GPHN: variants seen among roughly 807,000 people sequenced by gnomAD.
The protein encoded by GPHN is gephyrin.
A neutral mutation model predicts 95.5 loss-of-function variants in GPHN; 17 were observed. That is an observed-to-expected ratio of 0.18 (90% CI 0.12 to 0.27). The LOEUF is 0.27. Among genes scored for constraint, GPHN ranks in the 10% least tolerant of loss-of-function variants. The pLI, the probability that GPHN is intolerant of heterozygous loss-of-function variation, is 1.00. For missense variants in GPHN, 660 were observed against 978.1 expected (o/e 0.67, Z 4.34); for synonymous variants, 320 against 322.5 (o/e 0.99, Z 0.08).
chr14:67,393,049 G>A, the GPHN span: 8 of 991,188 alleles, frequency 8.1e-6, no homozygotes, highest in African/African-American at 1.3e-4. Flanking sequence ...TGCCCAGCAG[G>A]CAGCTCTGAC....
chr14:66,970,855 A>G lies in GPHN; in HGVS notation c.963+5530A>G, dbSNP rs1216099392. The stretch of plus-strand genomic sequence containing the variant: ...AAAAATACATTCTCTGAACAAAAAT[A>G]TGTTTTCTTTTGTGAACATTTACCT... On this transcript the variant is annotated intron_variant, in intron 9 of 22. Coordinates refer to ENST00000478722, the MANE Select transcript of GPHN (RefSeq NM_020806.5). 2.0e-5 allele frequency among the ~76,000 whole-genome samples: 3 copies of G among 152,348 alleles called. No homozygotes were observed. The South Asian group carries it at 6.2e-4, about 32-fold the overall frequency.
chr14:67,201,620 G>A, the GPHN span: 70 of 444,370 alleles, frequency 1.6e-4, no homozygotes, highest in South Asian at 1.1e-3. Context: ...AAGGGGTGTG[G>A]AGTGGAACCA....
At chr14:67,278,956 T>C in the GPHN span, 1 of 425,412 alleles carries the variant, frequency 2.4e-6, no homozygotes, top group East Asian at 3.9e-5. Flanking sequence ...AAGTGGGCTC[T>C]GTAAAAACCT....
intron 17 of GPHN, among the ~76,000 whole-genome samples, chr14:67,141,293 G>C (rs2080442821): frequency 6.6e-6 from 1 of 152,068 alleles, no homozygotes; most frequent in African/African-American, 2.4e-5. Context: ...TTGCCATTTG[G>C]ACCTTTCATA....
At chr14:66,533,504 G>A (rs2059022402) in intron 1 of GPHN, among the ~76,000 whole-genome samples, 1 of 152,254 alleles carries the variant, frequency 6.6e-6, no homozygotes, top group Non-Finnish European at 1.5e-5. Flanking sequence ...AACATGCCGT[G>A]GGTGCACAGA....
chr14:66,727,350 G>C (rs2071341953), intron 2 of GPHN, among the ~76,000 whole-genome samples: 2 of 152,186 alleles, frequency 1.3e-5, no homozygotes, highest in Non-Finnish European at 1.5e-5. Context: ...CAGTAGTGTG[G>C]GGTGCTGCTG....
intron 9 of GPHN, among the ~76,000 whole-genome samples, chr14:66,971,253 G>T (rs940734149): frequency 5.9e-5 from 9 of 152,134 alleles, no homozygotes; most frequent in African/African-American, 2.2e-4. Flanking sequence ...GCTTGAACAC[G>T]GGAGGCGGAG....
intron 10 of GPHN, among the ~76,000 whole-genome samples, chr14:67,056,277 T>C (rs1177267581): frequency 6.7e-6 from 1 of 150,106 alleles, no homozygotes; most frequent in Non-Finnish European, 1.5e-5. Flanking sequence ...ATTGGTGCAT[T>C]TACAATCCTT....
intron 2 of GPHN, among the ~76,000 whole-genome samples, chr14:66,719,936 C>G (rs375280677): frequency 6.6e-6 from 1 of 152,052 alleles, no homozygotes; most frequent in South Asian, 2.1e-4. Flanking sequence ...TTGCCATTTT[C>G]TAAAGAGTTA....
the GPHN span, among the ~76,000 whole-genome samples, chr14:67,233,201 G>T: frequency 6.6e-6 from 1 of 151,236 alleles, no homozygotes; most frequent in East Asian, 1.9e-4. Flanking sequence ...GAGTGCAGTG[G>T]TGCAATCTCA....
At chr14:66,810,492 G>A (rs930433432) in intron 3 of GPHN, among the ~76,000 whole-genome samples, 1 of 151,874 alleles carries the variant, frequency 6.6e-6, no homozygotes, top group Admixed American at 6.6e-5. Flanking sequence ...TTGACATTAT[G>A]TGTGAAACTT....
At chr14:66,720,978 T>C (rs2070689401) in intron 2 of GPHN, among the ~76,000 whole-genome samples, 1 of 152,210 alleles carries the variant, frequency 6.6e-6, no homozygotes, top group South Asian at 2.1e-4. Context: ...CAGCAAAATT[T>C]TGAAGAAAAG....
At chr14:67,596,213 C>T in the GPHN span, among the ~76,000 whole-genome samples, 1 of 151,556 alleles carries the variant, frequency 6.6e-6, no homozygotes, top group African/African-American at 2.4e-5. Flanking sequence ...ACTGCAACCT[C>T]CACCTCCCGG....
At chr14:66,619,111 A>T (rs2063175637) in intron 1 of GPHN, among the ~76,000 whole-genome samples, 1 of 152,154 alleles carries the variant, frequency 6.6e-6, no homozygotes, top group Non-Finnish European at 1.5e-5. Context: ...GTTCATTCAT[A>T]TTCCATTATA....
At chr14:67,631,161 C>T in the GPHN span, among the ~76,000 whole-genome samples, 2 of 152,300 alleles carry the variant, frequency 1.3e-5, no homozygotes, top group South Asian at 4.1e-4. Context: ...AGCCCTCTAG[C>T]TGTTGTCCAG....
the GPHN span, chr14:67,648,127 T>C: frequency 1.9e-6 from 3 of 1,614,068 alleles, no homozygotes; most frequent in Middle Eastern, 1.6e-4. Flanking sequence ...ACTCCTGTTG[T>C]CGGGGGACTA....
At chr14:66,842,843 G>A in intron 4 of GPHN, 1 of 690,990 alleles carries the variant, frequency 1.4e-6, no homozygotes, top group South Asian at 1.8e-5. Flanking sequence ...CTTGTGGATT[G>A]TTATGTATCT....
At chr14:67,142,414 C>G (rs577238438) in intron 17 of GPHN, among the ~76,000 whole-genome samples, 1 of 152,286 alleles carries the variant, frequency 6.6e-6, no homozygotes, top group African/African-American at 2.4e-5. Flanking sequence ...CAAGTTAGGA[C>G]TTTTCAACTG....
At chr14:67,240,894 T>C in the GPHN span, among the ~76,000 whole-genome samples, 1 of 152,270 alleles carries the variant, frequency 6.6e-6, no homozygotes, top group Non-Finnish European at 1.5e-5. Flanking sequence ...CAGGTGTTTA[T>C]GTCATTTTTT....
Sources: gnomAD v4.1 joint callset for allele counts (sites outside exome capture counted in the v4.1 genomes callset) on GRCh38, gnomAD v4.1.1 for gene constraint, MANE v1.5 for transcripts, NCBI Gene and HGNC (gene_info 2026-07-23, HGNC 2026-07-21) for gene names.